Variants in MEF2C observed in about 807,000 individuals in gnomAD.
The protein encoded by MEF2C is myocyte-specific enhancer factor 2C.
A neutral mutation model predicts 50.5 loss-of-function variants in MEF2C; 6 were observed. The observed-to-expected ratio is 0.12, with a 90% CI of 0.07 to 0.23. The LOEUF (loss-of-function observed/expected upper bound fraction) is 0.23, where lower values mean the gene tolerates loss of function less well. MEF2C is among the 10% of genes least tolerant of loss of function. The pLI is 1.00. For synonymous variants in MEF2C, 183 were observed against 228.0 expected, an observed-to-expected ratio of 0.80 and a Z score of 1.78; for missense variants, 276 against 605.0, an observed-to-expected ratio of 0.46 and a Z score of 5.70.
chr5:88,787,225 C>G (rs1434534903), intron 3 of MEF2C, among the ~76,000 whole-genome samples: 16 of 152,130 alleles, frequency 1.1e-4, no homozygotes, highest in Non-Finnish European at 8.8e-5. Context: ...TCAATATTTA[C>G]TTATAAATAA....
In MEF2C at chr5:88,896,907, G is replaced by A. The variant is rs1472891975; in HGVS notation, c.-240+7009C>T. ...TGCTTCCTCTTTTCATTTTCAAGTTGTAAATTCTTTAGTATCAGTTGTGAA... is the reference window on the plus strand; with the variant it reads ...TGCTTCCTCTTTTCATTTTCAAGTTATAAATTCTTTAGTATCAGTTGTGAA... On this transcript the variant is annotated intron_variant, in intron 1 of 11. Coordinates refer to the MEF2C transcript ENST00000340208. 2.7e-5 allele frequency among the ~76,000 whole-genome samples: 4 copies of A among 150,432 alleles called. No homozygotes were observed. The East Asian group carries it at 7.8e-4, about 29-fold the overall frequency.
At chr5:88,734,452 T>C in intron 6 of MEF2C, 1 of 985,250 alleles carries the variant, frequency 1.0e-6, no homozygotes, top group East Asian at 1.1e-4. Context: ...GGAGGAGTTA[T>C]TTTGCTAAAA....
rs771799863 is a variant in MEF2C, at chr5:88,891,393, C to CTTTTTTTTTTT, written c.-239-3806_-239-3796dup. On this transcript the variant is annotated intron_variant, in intron 1 of 11. Transcript: ENST00000340208. ...TCAGAAATGTTAATAACCAACCAAC[C>CTTTTTTTTTTT]TTTTTTTTTTTTTTTTTTTTTTGAG... Among the ~76,000 whole-genome samples, 8 of 104,848 alleles carry CTTTTTTTTTTT rather than the reference C, an allele frequency of 7.6e-5. 1 individual carries two copies. Among genetic ancestry groups the CTTTTTTTTTTT allele is most frequent in the East Asian group, 2.5e-4 (1 of 3,976 alleles). The allele number at this position is 104,848 out of a possible 152,430, so 68.8% of individuals were successfully genotyped here.
At chr5:88,740,233 CGT>C (rs59497216) in intron 6 of MEF2C, 168,753 of 953,016 alleles carry the variant, frequency 0.18, 5,463 homozygotes, top group African/African-American at 0.39. Context: ...AGCGATTTTG[CGT>C]GTGTGTGTGT....
intron 4 of MEF2C, among the ~76,000 whole-genome samples, chr5:88,756,084 A>G (rs1775146448): frequency 6.6e-6 from 1 of 152,268 alleles, no homozygotes; most frequent in Non-Finnish European, 1.5e-5. Context: ...TTCAAAATTC[A>G]TAAAATATAC....
intron 6 of MEF2C, among the ~76,000 whole-genome samples, chr5:88,732,161 C>T (rs1761963511): frequency 6.6e-6 from 1 of 151,982 alleles, no homozygotes; most frequent in East Asian, 1.9e-4. Context: ...ACTTTTTTTC[C>T]TATCAAAAAT....
chr5:88,834,622 C>A (rs1581370034), intron 1 of MEF2C, among the ~76,000 whole-genome samples: 1 of 152,036 alleles, frequency 6.6e-6, no homozygotes, highest in South Asian at 2.1e-4. Context: ...TGGAGAAGGG[C>A]AGAGGTGGCT....
At chr5:88,790,392 T>C (rs528028419) in intron 3 of MEF2C, among the ~76,000 whole-genome samples, 1 of 152,312 alleles carries the variant, frequency 6.6e-6, no homozygotes, top group South Asian at 2.1e-4. Flanking sequence ...AATAAAGGGA[T>C]CCTGGGCCCT....
intron 3 of MEF2C, among the ~76,000 whole-genome samples, chr5:88,783,743 AT>A (rs1267706990): frequency 1.3e-5 from 2 of 152,234 alleles, no homozygotes; most frequent in Non-Finnish European, 2.9e-5. Context: ...ACACTGTGCT[AT>A]GTTGCCTCCC....
chr5:88,747,887 T>A (rs1770672758), intron 6 of MEF2C, among the ~76,000 whole-genome samples: 1 of 152,172 alleles, frequency 6.6e-6, no homozygotes, highest in South Asian at 2.1e-4. Flanking sequence ...GTTCTCTCAT[T>A]TTGAGGCTAC....
intron 1 of MEF2C, among the ~76,000 whole-genome samples, chr5:88,854,016 A>G (rs954244082): frequency 7.9e-5 from 12 of 152,182 alleles, no homozygotes; most frequent in African/African-American, 2.9e-4. Context: ...AATCTGAGGA[A>G]GAACTGTAAA....
At chr5:88,798,198 T>A (rs1260914809) in intron 3 of MEF2C, among the ~76,000 whole-genome samples, 1 of 152,206 alleles carries the variant, frequency 6.6e-6, no homozygotes, top group Non-Finnish European at 1.5e-5. Flanking sequence ...CTTGCTAGGT[T>A]GGGGAAGTTC....
intron 1 of MEF2C, among the ~76,000 whole-genome samples, chr5:88,875,703 CA>C (rs1316887240): frequency 6.6e-6 from 1 of 151,954 alleles, no homozygotes; most frequent in African/African-American, 2.4e-5. Flanking sequence ...AGAAGGGAAA[CA>C]TTATACTTTT....
At chr5:88,866,049 C>G (rs1220638491) in intron 1 of MEF2C, among the ~76,000 whole-genome samples, 1 of 152,140 alleles carries the variant, frequency 6.6e-6, no homozygotes, top group Non-Finnish European at 1.5e-5. Flanking sequence ...GCGCCCGCAA[C>G]CACGCCCGGC....
chr5:88,764,575 C>T (rs1033699925), intron 3 of MEF2C, among the ~76,000 whole-genome samples: 12 of 113,022 alleles, frequency 1.1e-4, no homozygotes, highest in Admixed American at 5.9e-4. Context: ...TTTGGGAGGC[C>T]GAGGCAGGCC....
At chr5:88,810,666 C>A (rs1191362184) in intron 2 of MEF2C, among the ~76,000 whole-genome samples, 2 of 152,064 alleles carry the variant, frequency 1.3e-5, no homozygotes, top group Non-Finnish European at 2.9e-5. Flanking sequence ...GGCTGATGAA[C>A]TATAATTAAT....
At chr5:88,747,333 CTTTTTTTTTTTTTTTTTTTT>C (rs950842424) in intron 6 of MEF2C, among the ~76,000 whole-genome samples, 2 of 21,748 alleles carry the variant, frequency 9.2e-5, no homozygotes, top group South Asian at 2.9e-3. Context: ...TTTTTTACTA[CTTTTTTTTTTTTTTTTTTTT>C]TTTTTTTTTT....
At chr5:88,793,533 A>G (rs1794732990) in intron 3 of MEF2C, among the ~76,000 whole-genome samples, 1 of 152,182 alleles carries the variant, frequency 6.6e-6, no homozygotes, top group South Asian at 2.1e-4. Context: ...TGTTCAATCA[A>G]TGACTGAAAG....
intron 1 of MEF2C, chr5:88,844,498 G>A (rs1368039160): frequency 1.1e-5 from 2 of 185,848 alleles, no homozygotes. Flanking sequence ...AATACACCTC[G>A]AAGTTTATTT....
Sources: gnomAD v4.1 joint callset for allele counts (sites outside exome capture counted in the v4.1 genomes callset) on GRCh38, gnomAD v4.1.1 for gene constraint, MANE v1.5 for transcripts, NCBI Gene and HGNC (gene_info 2026-07-23, HGNC 2026-07-21) for gene names.